The following GCLC variants were observed in gnomAD, a reference collection of about 807,000 sequenced individuals.
GCLC encodes glutamate--cysteine ligase catalytic subunit.
A neutral mutation model predicts 81.5 loss-of-function variants in GCLC; 30 were observed. That is an observed-to-expected ratio of 0.37 (90% CI 0.28 to 0.50). The LOEUF (loss-of-function observed/expected upper bound fraction) is 0.50. Among genes scored for constraint, GCLC ranks in the 20% least tolerant of loss-of-function variants. GCLC has a pLI of 0.96. For missense variants in GCLC, 556 were observed against 777.4 expected, an observed-to-expected ratio of 0.72 and a Z score of 3.39; for synonymous variants, 262 against 273.3, an observed-to-expected ratio of 0.96 and a Z score of 0.41.
chr6:53,523,621 G>A (rs568069308), intron 1 of GCLC, among the ~76,000 whole-genome samples: 1 of 152,342 alleles, frequency 6.6e-6, no homozygotes, highest in South Asian at 2.1e-4. Flanking sequence ...CACGAAGCCT[G>A]TGACTGTGTG....
At chr6:53,518,353 C>T (rs994067321) in intron 3 of GCLC, among the ~76,000 whole-genome samples, 12 of 152,122 alleles carry the variant, frequency 7.9e-5, no homozygotes, top group Admixed American at 7.9e-4. Flanking sequence ...CAGGTTCAAG[C>T]GGTTCTCCTG....
chr6:53,523,341 A>T (rs1763030890), intron 1 of GCLC: 1 of 152,224 alleles, frequency 6.6e-6, no homozygotes, highest in South Asian at 2.1e-4. Flanking sequence ...TGATGGAAAC[A>T]AAACATCCAT....
At chr6:53,536,976 T>C (rs965362976) in intron 1 of GCLC, among the ~76,000 whole-genome samples, 4 of 152,232 alleles carry the variant, frequency 2.6e-5, no homozygotes, top group Non-Finnish European at 5.9e-5. Flanking sequence ...TTTTGAGAAC[T>C]AGACAAAGAC....
chr6:53,513,652 T>C (rs1002467971), intron 6 of GCLC: 3 of 157,248 alleles, frequency 1.9e-5, no homozygotes, highest in Admixed American at 1.8e-4. Context: ...AGGGGCACCA[T>C]CATTTAAACA....
chr6:53,542,683 G>C (rs1032199755), intron 1 of GCLC, among the ~76,000 whole-genome samples: 1 of 152,096 alleles, frequency 6.6e-6, no homozygotes, highest in Admixed American at 6.5e-5. Context: ...CCAAAGACTT[G>C]AACTGCCTGT....
At chr6:53,522,952 C>T (rs563173346) in intron 1 of GCLC, among the ~76,000 whole-genome samples, 149 of 152,330 alleles carry the variant, frequency 9.8e-4, no homozygotes, top group African/African-American at 3.5e-3. Flanking sequence ...ATTACACTTA[C>T]TTACTGGCAG....
chr6:53,544,405 C>T (rs576378718), intron 1 of GCLC, 91 bp downstream of exon 1: 22 of 1,394,730 alleles, frequency 1.6e-5, no homozygotes, highest in Middle Eastern at 3.5e-4. Context: ...GAACGCGGAC[C>T]GCGATAGGGC....
chr6:53,505,158 G>T, intron 12 of GCLC: 1 of 477,916 alleles, frequency 2.1e-6, no homozygotes, highest in South Asian at 2.3e-5. Context: ...GGATTTTGTG[G>T]TGGATGAAAT....
At chr6:53,517,154 A>G (rs531211367) in intron 3 of GCLC, among the ~76,000 whole-genome samples, 48 of 142,350 alleles carry the variant, frequency 3.4e-4, no homozygotes, top group Middle Eastern at 3.7e-3. Context: ...TGGTGCAATC[A>G]TAGCTCAGTG....
chr6:53,511,898 T>TGG (rs1764753992), intron 6 of GCLC, among the ~76,000 whole-genome samples: 1 of 6,250 alleles, frequency 1.6e-4, no homozygotes, highest in Non-Finnish European at 4.3e-4. Context: ...TCACATGACT[T>TGG]TGGGGGGGGG....
Position 53,498,706 on chromosome 6 carries a change from T to A in GCLC, c.*50A>T, listed in dbSNP as rs188554903. The A allele has an allele frequency of 1.8e-5, 20 of 1,129,088 alleles. No homozygotes were observed. The African/African-American group carries it at 2.9e-4, about 16-fold the overall frequency. The allele number at this position is 1,129,088 out of a possible 1,614,324, so 69.9% of individuals were successfully genotyped here. On this transcript the variant is annotated 3_prime_UTR_variant, in exon 16 of 16. Coordinates refer to ENST00000650454, the MANE Select transcript of GCLC (RefSeq NM_001498.4). The stretch of plus-strand genomic sequence containing the variant: ...ATACACACGGGCTGGCTGAGAGGCA[T>A]GGTACTGTAGCCAGTTCGTCAATAA...
chr6:53,517,079 A>AT (rs71546114), intron 3 of GCLC, among the ~76,000 whole-genome samples: 7,567 of 104,426 alleles, frequency 0.072, 1,086 homozygotes, highest in African/African-American at 0.27. Context: ...TTAAAAAAAA[A>AT]TTTTTTTTTT....
intron 1 of GCLC, among the ~76,000 whole-genome samples, chr6:53,535,468 T>G (rs1444185141): frequency 6.6e-6 from 1 of 151,900 alleles, no homozygotes; most frequent in Non-Finnish European, 1.5e-5. Context: ...TAGCTGAGAT[T>G]GCACCGCTGC....
At chr6:53,519,030 C>T (rs1395347738) in intron 3 of GCLC, among the ~76,000 whole-genome samples, 3 of 152,192 alleles carry the variant, frequency 2.0e-5, no homozygotes, top group Non-Finnish European at 2.9e-5. Flanking sequence ...CCTCAGGGAG[C>T]TCCCTCACTC....
chr6:53,509,497 G>C, intron 6 of GCLC: 2 of 573,276 alleles, frequency 3.5e-6, no homozygotes, highest in South Asian at 4.2e-5. Context: ...AGTGAAATAA[G>C]ATTAAATAGT....
intron 6 of GCLC, chr6:53,510,298 G>A (rs1764712243): frequency 6.6e-6 from 1 of 152,210 alleles, no homozygotes; most frequent in Non-Finnish European, 1.5e-5. Flanking sequence ...GTTGTAGAAA[G>A]ACCTGGGGAG....
intron 4 of GCLC, 149 bp downstream of exon 4, chr6:53,515,960 G>A (rs908465825): frequency 1.5e-6 from 1 of 659,202 alleles, no homozygotes; most frequent in African/African-American, 1.8e-5. Context: ...ATGTGAACAG[G>A]TGCACATCTG....
Position 53,498,815 on chromosome 6 carries a change from G to A in GCLC, c.1855C>T (p.Leu619Phe). The A allele has an allele frequency of 6.2e-7, 1 of 1,613,512 alleles. No homozygotes were observed. The highest frequency in any genetic ancestry group is 8.5e-7 in the Non-Finnish European group (1 of 1,179,486). ...ANELCECPELLGSAFRKVKYS... is the reference protein window; with the variant it reads ...ANELCECPELFGSAFRKVKYS... ...TTTACTTTCCTAAATGCTGATCCAA[G>A]TAACTCTGGGCATTCACATAATTCA... Residue 619 changes from leucine (L) to phenylalanine (F), a missense_variant, in exon 16 of 16, where the codon CTT becomes TTT. Transcript: ENST00000650454.
At chr6:53,537,105 C>T (rs3799698) in intron 1 of GCLC, among the ~76,000 whole-genome samples, 19,669 of 152,172 alleles carry the variant, frequency 0.13, 2,043 homozygotes, top group Admixed American at 0.3. Context: ...TTCTTTTGAC[C>T]ATAATGCCTT....
Sources: gnomAD v4.1 joint callset for allele counts (sites outside exome capture counted in the v4.1 genomes callset) on GRCh38, gnomAD v4.1.1 for gene constraint, MANE v1.5 for transcripts, NCBI Gene and HGNC (gene_info 2026-07-23, HGNC 2026-07-21) for gene names.